Variants in SORCS1 observed in about 807,000 individuals in gnomAD.
The protein encoded by SORCS1 is VPS10 domain-containing receptor SorCS1.
In SORCS1, 60 loss-of-function variants were observed where a neutral mutation model predicts 146.1. The observed-to-expected ratio is 0.41, with a 90% CI of 0.33 to 0.51. The LOEUF is 0.51. SORCS1 is among the 20% of genes least tolerant of loss of function. The pLI is 0.21. For missense variants in SORCS1, 1,352 were observed against 1,487.6 expected (o/e 0.91, Z 1.50); for synonymous variants, 637 against 584.0 (o/e 1.09, Z -1.31).
chr10:106,666,110 G>C (rs1172694397), intron 17 of SORCS1, among the ~76,000 whole-genome samples: 1 of 152,212 alleles, frequency 6.6e-6, no homozygotes, highest in East Asian at 1.9e-4. Context: ...GAAATGCTGA[G>C]ATTACAGGCG....
rs1247714431 is a variant in SORCS1 at position 106,574,113 on chromosome 10, T to C, written c.*3307A>G. On this transcript the variant is annotated 3_prime_UTR_variant, in exon 26 of 26. Coordinates refer to ENST00000263054, the MANE Select transcript of SORCS1 (RefSeq NM_052918.5). ...GCAAATGAGAGATTTCAATGCTCAG[T>C]TGGATTCCTGGAAAACACAGAACAG... is the stretch of plus-strand genomic sequence containing the variant. 3.9e-5 allele frequency: 6 copies of C among 152,396 alleles called. No individual in the cohort carries two copies. The highest frequency in any genetic ancestry group is 1.9e-4 in the East Asian group (1 of 5,182). 9.4% of individuals were successfully genotyped at this position (152,396 alleles called of 1,614,324 possible).
intron 1 of SORCS1, among the ~76,000 whole-genome samples, chr10:107,110,897 G>A (rs192335705): frequency 1.3e-5 from 2 of 152,188 alleles, no homozygotes; most frequent in East Asian, 3.9e-4. Context: ...TACTGGCCAA[G>A]GTACTAATGG....
chr10:106,913,706 G>T (rs1952275430), intron 2 of SORCS1, among the ~76,000 whole-genome samples: 1 of 152,180 alleles, frequency 6.6e-6, no homozygotes, highest in South Asian at 2.1e-4. Context: ...ACTAGTTCTT[G>T]TCTCAGCTCA....
chr10:107,178,909 G>C, the SORCS1 span, among the ~76,000 whole-genome samples: 1 of 151,992 alleles, frequency 6.6e-6, no homozygotes, highest in Non-Finnish European at 1.5e-5. Flanking sequence ...ATCATGAATA[G>C]TACTGCAATA....
At chr10:106,670,696 A>ATTT (rs563511704) in intron 16 of SORCS1, among the ~76,000 whole-genome samples, 6 of 132,022 alleles carry the variant, frequency 4.5e-5, no homozygotes, top group South Asian at 2.4e-4. Context: ...GAATCTGCCC[A>ATTT]TTTTTTTTTT....
At chr10:107,158,102 T>C (rs1969428794) in intron 1 of SORCS1, among the ~76,000 whole-genome samples, 1 of 152,150 alleles carries the variant, frequency 6.6e-6, no homozygotes, top group African/African-American at 2.4e-5. Context: ...CAAAAGAAAG[T>C]CCTTTTGTGA....
chr10:106,953,542 T>G (rs1406719122), intron 2 of SORCS1, among the ~76,000 whole-genome samples: 1 of 151,290 alleles, frequency 6.6e-6, no homozygotes, highest in Non-Finnish European at 1.5e-5. Flanking sequence ...TATATAGTCA[T>G]GTATCACTTA....
chr10:107,009,754 GACTT>G (rs1456303820), intron 1 of SORCS1, among the ~76,000 whole-genome samples: 3 of 152,250 alleles, frequency 2.0e-5, no homozygotes, highest in Admixed American at 6.5e-5. Flanking sequence ...GAAAATGTTA[GACTT>G]ACTAAGAAAC....
intron 1 of SORCS1, among the ~76,000 whole-genome samples, chr10:106,991,074 C>G (rs1956751095): frequency 6.6e-6 from 1 of 152,186 alleles, no homozygotes; most frequent in Non-Finnish European, 1.5e-5. Flanking sequence ...ATGATACTAA[C>G]TAATCTGACT....
chr10:106,591,815 T>C (rs1310231665), intron 24 of SORCS1, among the ~76,000 whole-genome samples: 1 of 152,190 alleles, frequency 6.6e-6, no homozygotes, highest in Non-Finnish European at 1.5e-5. Flanking sequence ...AAAGATGTCA[T>C]GCAAATGTTG....
chr10:107,172,229 A>G, the SORCS1 span, among the ~76,000 whole-genome samples: 1 of 152,134 alleles, frequency 6.6e-6, no homozygotes, highest in Non-Finnish European at 1.5e-5. Context: ...ACTTCCATTA[A>G]CTACTTTTGT....
At chr10:107,057,555 A>G (rs1960763709) in intron 1 of SORCS1, among the ~76,000 whole-genome samples, 1 of 152,186 alleles carries the variant, frequency 6.6e-6, no homozygotes, top group African/African-American at 2.4e-5. Context: ...AAACTAAGCC[A>G]GATAGAGTTT....
intron 2 of SORCS1, among the ~76,000 whole-genome samples, chr10:106,890,883 T>G (rs1951204597): frequency 1.3e-5 from 2 of 152,084 alleles, no homozygotes; most frequent in South Asian, 2.1e-4. Flanking sequence ...AGGAATTGAA[T>G]AAATAATCCT....
At chr10:106,697,854 A>G (rs1288408973) in intron 9 of SORCS1, among the ~76,000 whole-genome samples, 1 of 152,216 alleles carries the variant, frequency 6.6e-6, no homozygotes, top group Non-Finnish European at 1.5e-5. Flanking sequence ...TCTGTACTCT[A>G]AATTAAATTT....
chr10:106,761,548 G>C, intron 5 of SORCS1, 40 bp downstream of exon 5: 2 of 1,551,620 alleles, frequency 1.3e-6, no homozygotes, highest in Non-Finnish European at 1.8e-6. Context: ...TATCTGACTA[G>C]GTCATATCTT....
intron 3 of SORCS1, among the ~76,000 whole-genome samples, chr10:106,783,557 T>C (rs1473064160): frequency 1.3e-5 from 2 of 152,106 alleles, no homozygotes; most frequent in South Asian, 2.1e-4. Flanking sequence ...CATAAAAATA[T>C]TGCCTAGATG....
chr10:107,101,635 T>A (rs1380212398), intron 1 of SORCS1, among the ~76,000 whole-genome samples: 1 of 152,114 alleles, frequency 6.6e-6, no homozygotes, highest in African/African-American at 2.4e-5. Flanking sequence ...CTGCTGGGAT[T>A]ATAGGACTGA....
At chr10:106,606,764 G>T (rs1564769282) in intron 23 of SORCS1, among the ~76,000 whole-genome samples, 2 of 152,132 alleles carry the variant, frequency 1.3e-5, no homozygotes, top group African/African-American at 4.8e-5. Context: ...AATCATGGGG[G>T]CAGTTACCTC....
chr10:106,649,054 T>C (rs1272824187), intron 18 of SORCS1, among the ~76,000 whole-genome samples: 2 of 152,098 alleles, frequency 1.3e-5, no homozygotes, highest in East Asian at 3.9e-4. Flanking sequence ...CCCTTCTGGC[T>C]TCCTCCATCT....
Sources: allele counts gnomAD v4.1 joint callset (sites outside exome capture counted in the v4.1 genomes callset), GRCh38; gene constraint gnomAD v4.1.1; transcripts MANE v1.5; gene names NCBI Gene and HGNC (gene_info 2026-07-23, HGNC 2026-07-21).